TSPAN5: variants seen among roughly 807,000 people sequenced by gnomAD.
TSPAN5 encodes tetraspanin-5.
Under a neutral mutation model 37.1 loss-of-function variants are expected in TSPAN5, and 10 were observed. The ratio of observed to expected loss-of-function variants is 0.27; its 90% CI spans 0.17 to 0.46. TSPAN5 has a LOEUF of 0.46. TSPAN5 is among the 20% of genes least tolerant of loss of function. The probability of loss-of-function intolerance (pLI) is 1.00; values close to 1 mark genes in which losing one functional copy is unlikely to be tolerated. For synonymous variants in TSPAN5, 110 were observed against 118.9 expected (o/e 0.93, Z 0.48); for missense variants, 195 against 326.6 (o/e 0.60, Z 3.11).
intron 1 of TSPAN5, among the ~76,000 whole-genome samples, chr4:98,621,872 A>C (rs1756489390): frequency 6.6e-6 from 1 of 152,012 alleles, no homozygotes; most frequent in African/African-American, 2.4e-5. Context: ...TATAAATAGA[A>C]ACATACAATA....
chr4:98,615,536 T>A (rs531434473), intron 1 of TSPAN5, among the ~76,000 whole-genome samples: 5 of 152,330 alleles, frequency 3.3e-5, no homozygotes, highest in African/African-American at 1.2e-4. Flanking sequence ...CAGACGTTGA[T>A]GGCCGGGCGC....
At chr4:98,590,662 G>A (rs1755605048) in intron 1 of TSPAN5, among the ~76,000 whole-genome samples, 1 of 150,808 alleles carries the variant, frequency 6.6e-6, no homozygotes, top group South Asian at 2.1e-4. Flanking sequence ...GTGAGCCGAG[G>A]TTGCATCACT....
chr4:98,550,178 T>C (rs992117792), intron 1 of TSPAN5, among the ~76,000 whole-genome samples: 2 of 152,162 alleles, frequency 1.3e-5, no homozygotes, highest in African/African-American at 4.8e-5. Context: ...GTTGAATTTG[T>C]TGAAAATCAG....
At chr4:98,572,287 C>T (rs1478807750) in intron 1 of TSPAN5, among the ~76,000 whole-genome samples, 2 of 152,120 alleles carry the variant, frequency 1.3e-5, no homozygotes, top group East Asian at 1.9e-4. Flanking sequence ...ACATTAAGAC[C>T]GTAAGCATAG....
At chr4:98,646,244 A>G (rs556806171) in intron 1 of TSPAN5, among the ~76,000 whole-genome samples, 1 of 152,338 alleles carries the variant, frequency 6.6e-6, no homozygotes, top group African/African-American at 2.4e-5. Flanking sequence ...AGCTGGAAGG[A>G]CATATAAGGG....
At chr4:98,554,939 C>T (rs80285045) in intron 1 of TSPAN5, among the ~76,000 whole-genome samples, 5,682 of 152,224 alleles carry the variant, frequency 0.037, 171 homozygotes, top group East Asian at 0.14. Flanking sequence ...GAGGAAGTGA[C>T]ATGAGTATAA....
chr4:98,629,864 TTGC>T (rs1756702018), intron 1 of TSPAN5, among the ~76,000 whole-genome samples: 1 of 152,228 alleles, frequency 6.6e-6, no homozygotes, highest in South Asian at 2.1e-4. Context: ...AATGGGTTAT[TTGC>T]TGCTGACCAC....
intron 1 of TSPAN5, among the ~76,000 whole-genome samples, chr4:98,573,275 A>T (rs1319118867): frequency 6.6e-6 from 1 of 152,212 alleles, no homozygotes; most frequent in East Asian, 1.9e-4. Flanking sequence ...AGGGCCTCCA[A>T]ATTTTATTTT....
chr4:98,474,609 A>G (rs1054989687), intron 7 of TSPAN5, among the ~76,000 whole-genome samples: 2 of 151,764 alleles, frequency 1.3e-5, no homozygotes, highest in Non-Finnish European at 2.9e-5. Context: ...CAGCCTCCCA[A>G]AGTTCTGGAA....
At chr4:98,521,361 C>T (rs1039526077) in intron 1 of TSPAN5, among the ~76,000 whole-genome samples, 12 of 152,178 alleles carry the variant, frequency 7.9e-5, no homozygotes, top group African/African-American at 1.4e-4. Context: ...TATAAAAGAT[C>T]GGAGTTCCCT....
intron 1 of TSPAN5, among the ~76,000 whole-genome samples, chr4:98,616,173 T>C (rs1157167976): frequency 6.6e-6 from 1 of 151,950 alleles, no homozygotes; most frequent in African/African-American, 2.4e-5. Flanking sequence ...TTCCCTTGCA[T>C]TCCCCAGAAT....
chr4:98,549,655 CAT>C (rs1243416259), intron 1 of TSPAN5, among the ~76,000 whole-genome samples: 1 of 151,912 alleles, frequency 6.6e-6, no homozygotes, highest in Non-Finnish European at 1.5e-5. Flanking sequence ...GCATTTTTTT[CAT>C]GTTTGTTGGC....
intron 1 of TSPAN5, among the ~76,000 whole-genome samples, chr4:98,568,280 C>T (rs1480991241): frequency 1.3e-5 from 2 of 152,066 alleles, no homozygotes; most frequent in Admixed American, 6.5e-5. Context: ...CGGTGGTTCC[C>T]GCCTGTAATC....
At chr4:98,560,907 A>T (rs912064133) in intron 1 of TSPAN5, among the ~76,000 whole-genome samples, 3 of 152,230 alleles carry the variant, frequency 2.0e-5, no homozygotes, top group Non-Finnish European at 4.4e-5. Context: ...TCTAGATAAA[A>T]GTGTTCTAAG....
chr4:98,475,890 T>A (rs1197013175), intron 7 of TSPAN5, among the ~76,000 whole-genome samples: 1 of 151,824 alleles, frequency 6.6e-6, no homozygotes, highest in Non-Finnish European at 1.5e-5. Context: ...CTCGGGAGGC[T>A]GAGGCAGGAG....
chr4:98,533,164 T>C (rs1158127189), intron 1 of TSPAN5, among the ~76,000 whole-genome samples: 1 of 152,154 alleles, frequency 6.6e-6, no homozygotes, highest in Non-Finnish European at 1.5e-5. Context: ...TTTTGTGGTG[T>C]CTCTGCCAGG....
intron 7 of TSPAN5, among the ~76,000 whole-genome samples, chr4:98,473,631 T>C (rs1273217032): frequency 1.3e-5 from 2 of 152,082 alleles, no homozygotes; most frequent in Non-Finnish European, 2.9e-5. Context: ...GGCTAATTTT[T>C]TGTATTTTTA....
chr4:98,484,628 G>C (rs983512997), intron 3 of TSPAN5: 1 of 450,370 alleles, frequency 2.2e-6, no homozygotes, highest in African/African-American at 2.0e-5. Flanking sequence ...ATATTAAAGG[G>C]GCCACCACTA....
rs185209842 is a variant in TSPAN5, at chr4:98,534,014, C to T, written c.82-26286G>A. 4.2e-3 allele frequency among the ~76,000 whole-genome samples: 540 copies of T among 127,848 alleles called. 7 individuals are homozygous for T. The highest frequency in any genetic ancestry group is 0.014 in the African/African-American group (473 of 33,572). 83.9% of individuals were successfully genotyped at this position (127,848 alleles called of 152,430 possible). ...TGAAGAGTTTTTCGTGTCTCTATCT[C>T]CTTCAGTTCTGCTCTGATCTTAGTT... On this transcript the variant is annotated intron_variant, in intron 1 of 7. Coordinates refer to ENST00000305798, the MANE Select transcript of TSPAN5 (RefSeq NM_005723.4).
Sources: gnomAD v4.1 joint callset for allele counts (sites outside exome capture counted in the v4.1 genomes callset) on GRCh38, gnomAD v4.1.1 for gene constraint, MANE v1.5 for transcripts, NCBI Gene and HGNC (gene_info 2026-07-23, HGNC 2026-07-21) for gene names.